The following PTPRO variants were observed in gnomAD, a reference collection of about 807,000 sequenced individuals.
PTPRO encodes protein tyrosine phosphatase receptor type O.
In PTPRO, 62 loss-of-function variants were observed where a neutral mutation model predicts 145.2. The ratio of observed to expected loss-of-function variants is 0.43; its 90% confidence interval spans 0.35 to 0.53. The LOEUF (loss-of-function observed/expected upper bound fraction) is 0.53, where lower values mean the gene tolerates loss of function less well. Ranked by LOEUF, PTPRO falls within the 20% of genes least tolerant of loss-of-function variation. PTPRO has a pLI of 0.01. For synonymous variants in PTPRO, 565 were observed against 514.7 expected, an observed-to-expected ratio of 1.10 and a Z score of -1.32; for missense variants, 1,345 against 1,482.7, an observed-to-expected ratio of 0.91 and a Z score of 1.53.
intron 1 of PTPRO, chr12:15,439,965 C>T: frequency 2.9e-6 from 2 of 685,642 alleles, no homozygotes; most frequent in Non-Finnish European, 5.3e-6. Flanking sequence ...AAGGAGGTGG[C>T]CACTGCCATC....
rs138028205 is a variant in PTPRO, at chr12:15,503,111, T to A, written c.1106-797T>A. Reference sequence around the variant, plus strand: ...TTTTCCTGGAATTTCCTATTTTTTTTAAAGTTTCCTTAATCTATCATTTAT... The same window carrying A: ...TTTTCCTGGAATTTCCTATTTTTTTAAAAGTTTCCTTAATCTATCATTTAT... On this transcript the variant is annotated intron_variant, in intron 5 of 26. Transcript: ENST00000281171. Among the ~76,000 whole-genome samples the A allele has an allele frequency of 9.8e-5, 15 of 152,296 alleles. No homozygotes were observed. In the East Asian group the frequency reaches 2.7e-3, roughly 27 times the overall value.
chr12:15,453,739 C>A (rs917610175), intron 1 of PTPRO, among the ~76,000 whole-genome samples: 1 of 152,146 alleles, frequency 6.6e-6, no homozygotes, highest in African/African-American at 2.4e-5. Flanking sequence ...TCTTCATTTT[C>A]TCTTCCCCCC....
At chr12:15,533,513 T>C (rs887627766) in intron 12 of PTPRO, among the ~76,000 whole-genome samples, 2 of 152,212 alleles carry the variant, frequency 1.3e-5, no homozygotes, top group Non-Finnish European at 2.9e-5. Context: ...GCTTAACAGA[T>C]ACTGTTGAAT....
chr12:15,561,667 T>C (rs1391882367), intron 17 of PTPRO, among the ~76,000 whole-genome samples: 1 of 152,146 alleles, frequency 6.6e-6, no homozygotes, highest in Non-Finnish European at 1.5e-5. Flanking sequence ...CACACATAAA[T>C]TCCATTTCAA....
At chr12:15,401,263 G>A (rs1939484597) in intron 1 of PTPRO, among the ~76,000 whole-genome samples, 1 of 152,160 alleles carries the variant, frequency 6.6e-6, no homozygotes, top group African/African-American at 2.4e-5. Flanking sequence ...ACATGTGCAA[G>A]ACACTTCCAC....
chr12:15,394,855 A>G (rs1939292847), intron 1 of PTPRO, among the ~76,000 whole-genome samples: 2 of 152,198 alleles, frequency 1.3e-5, no homozygotes, highest in South Asian at 4.1e-4. Context: ...TTTCTGTAAG[A>G]TTTATTTGAG....
At chr12:15,385,811 C>CAAAAAAAAAAAAA (rs761750012) in intron 1 of PTPRO, among the ~76,000 whole-genome samples, 11 of 37,100 alleles carry the variant, frequency 3.0e-4, no homozygotes, top group Admixed American at 3.3e-4. Flanking sequence ...GACTCCATCT[C>CAAAAAAAAAAAAA]AAAAAAAAAA....
chr12:15,559,457 G>T (rs1341660081), intron 16 of PTPRO, among the ~76,000 whole-genome samples: 3 of 152,110 alleles, frequency 2.0e-5, no homozygotes, highest in Non-Finnish European at 4.4e-5. Flanking sequence ...TTGACAAGTG[G>T]TTTGAATATC....
intron 1 of PTPRO, among the ~76,000 whole-genome samples, chr12:15,478,469 C>A (rs1239459973): frequency 6.6e-6 from 1 of 152,010 alleles, no homozygotes; most frequent in East Asian, 1.9e-4. Context: ...AGTGTTAATC[C>A]CAATTTATGT....
In PTPRO at chr12:15,560,201, G is replaced by A; in HGVS notation, c.2636G>A (p.Ser879Asn). 6.3e-7 allele frequency: 1 copy of A among 1,585,790 alleles called. No individual in the cohort carries two copies. Among genetic ancestry groups the A allele is most frequent in the Non-Finnish European group, 8.7e-7 (1 of 1,154,612 alleles). The change falls in exon 17 of 27, where the codon AGT (serine) becomes AAT (asparagine). Residue 879 changes from serine to asparagine, a missense_variant. Physicochemically the swap from Ser to Asn is conservative, Grantham distance 46. This residue lies in a region of PTPRO where 1,130 missense variants were observed against 1,214.7 expected (regional missense o/e 0.93). Transcript: ENST00000281171. ...TCTATTAATGCACACAGGCGTAGGA[G>A]TATATTTGCTTTCTTAACCCTGCTA... ...DGKLPYNWRR[S>N]IFAFLTLLPS...
chr12:15,352,996 T>C (rs895594068), intron 1 of PTPRO, among the ~76,000 whole-genome samples: 2 of 152,242 alleles, frequency 1.3e-5, no homozygotes, highest in Non-Finnish European at 2.9e-5. Context: ...ATAAGTTATC[T>C]ACTGCCTGAG....
chr12:15,381,399 C>T (rs1938858234), intron 1 of PTPRO, among the ~76,000 whole-genome samples: 1 of 152,186 alleles, frequency 6.6e-6, no homozygotes, highest in South Asian at 2.1e-4. Flanking sequence ...AAGCGTATCT[C>T]CATGGTTGTT....
intron 1 of PTPRO, among the ~76,000 whole-genome samples, chr12:15,474,065 T>C (rs1400892163): frequency 1.3e-5 from 2 of 152,198 alleles, no homozygotes; most frequent in Non-Finnish European, 2.9e-5. Context: ...AAGCAAGTTA[T>C]TTAACCTGTC....
intron 5 of PTPRO, among the ~76,000 whole-genome samples, chr12:15,502,697 T>C: frequency 6.6e-6 from 1 of 152,338 alleles, no homozygotes; most frequent in Non-Finnish European, 1.5e-5. Context: ...CTTTATATTT[T>C]AGCCACTAAC....
At chr12:15,376,313 G>A (rs2136268006) in intron 1 of PTPRO, among the ~76,000 whole-genome samples, 1 of 152,240 alleles carries the variant, frequency 6.6e-6, no homozygotes, top group South Asian at 2.1e-4. Context: ...TCAATATGTT[G>A]AAAGAACAAT....
rs182980826 is a variant in PTPRO at position 15,437,233 on chromosome 12, A to G, written c.76-46741A>G. 4.6e-3 allele frequency among the ~76,000 whole-genome samples: 696 copies of G among 151,646 alleles called. 2 individuals are homozygous for G. The highest frequency in any genetic ancestry group is 8.0e-3 in the Non-Finnish European group (542 of 67,912). On this transcript the variant is annotated intron_variant, in intron 1 of 26. Transcript: ENST00000281171. ...CTTGTGCAAAGACTGGTACAGAGGG[A>G]CCCTCTCTGCTACATGCCCAGGAAG... is the stretch of plus-strand genomic sequence containing the variant.
chr12:15,575,483 T>C (rs562695971), intron 19 of PTPRO, among the ~76,000 whole-genome samples: 1 of 152,346 alleles, frequency 6.6e-6, no homozygotes, highest in East Asian at 1.9e-4. Flanking sequence ...CTTCCCAGCC[T>C]CCAGAACTGT....
intron 2 of PTPRO, among the ~76,000 whole-genome samples, chr12:15,493,756 A>C (rs903076334): frequency 2.4e-4 from 36 of 152,212 alleles, no homozygotes; most frequent in African/African-American, 8.7e-4. Context: ...AGGCTAGACT[A>C]TCTGACACAG....
Position 15,515,506 on chromosome 12 carries a change from A to G in PTPRO, c.1473A>G (p.Ser491=). Residue 491 remains serine (S), a synonymous_variant, in exon 8 of 27, where the codon TCA becomes TCG. Coordinates refer to ENST00000281171, the MANE Select transcript of PTPRO (RefSeq NM_030667.3). The part of the protein sequence containing the change: ...LEKQYCTQVN[S]SKPIIENLVP... ...GGGTGTTTGGTTTAAAGGTGAACTC[A>G]AGCAAACCTATTATTGAAAATCTGG... The G allele has an allele frequency of 6.2e-7, 1 of 1,613,948 alleles. No individual in the cohort carries two copies. Among genetic ancestry groups the G allele is most frequent in the Non-Finnish European group, 8.5e-7 (1 of 1,179,884 alleles).
Sources: allele counts gnomAD v4.1 joint callset (sites outside exome capture counted in the v4.1 genomes callset), GRCh38; gene constraint gnomAD v4.1.1; regional missense constraint gnomAD v4.1.1; transcripts MANE v1.5; gene names NCBI Gene and HGNC (gene_info 2026-07-23, HGNC 2026-07-21).